The following SLC4A1 variants were observed in gnomAD, a reference collection of about 807,000 sequenced individuals.
SLC4A1 encodes the protein solute carrier family 4 member 1 (Diego blood group).
SLC4A1 carries 29 observed loss-of-function variants against 93.1 expected under a neutral mutation model. The ratio of observed to expected loss-of-function variants is 0.31; its 90% CI spans 0.23 to 0.42. SLC4A1 has a LOEUF of 0.42. Ranked by LOEUF, SLC4A1 falls within the 20% of genes least tolerant of loss-of-function variation. The pLI is 1.00. For missense variants in SLC4A1, 965 were observed against 1,190.1 expected (o/e 0.81, Z 2.78); for synonymous variants, 469 against 497.2 (o/e 0.94, Z 0.76).
At chr17:44,253,877 A>G (rs1462240884) in intron 16 of SLC4A1, among the ~76,000 whole-genome samples, 2 of 149,984 alleles carry the variant, frequency 1.3e-5, no homozygotes, top group Non-Finnish European at 3.0e-5. Flanking sequence ...TCACCATATT[A>G]GTCAGGCTGG....
At chr17:44,265,741 G>A (rs1025995563) in intron 1 of SLC4A1, among the ~76,000 whole-genome samples, 2 of 152,266 alleles carry the variant, frequency 1.3e-5, no homozygotes, top group South Asian at 2.1e-4. Context: ...GAACAGGTGG[G>A]CTGAGCAAGG....
Position 44,253,350 on chromosome 17 carries a change from C to T in SLC4A1, c.2079G>A (p.Glu693=). 8 of 1,612,794 alleles carry T rather than the reference C, an allele frequency of 5.0e-6. No homozygotes were observed. The highest frequency in any genetic ancestry group is 1.7e-4 in the Middle Eastern group (1 of 6,052). The change falls in exon 17 of 20, where the codon GAG becomes GAA. Residue 693 remains glutamate, a synonymous_variant. Transcript: ENST00000262418. ...QITTLIVSKP[E]RKMVKGSGFH... ...AGCCGGAGCCCTTGACCATCTTGCG[C>T]TCAGGTTTGCTGACAATCAGCCTAC...
At position 44,262,912 on chromosome 17, in the gene SLC4A1, A is replaced by C; in HGVS notation, c.-46T>G. On this transcript the variant is annotated 5_prime_UTR_variant, in exon 2 of 20. Coordinates refer to ENST00000262418, the MANE Select transcript of SLC4A1 (RefSeq NM_000342.4). The stretch of plus-strand genomic sequence containing the variant: ...GTTGTCTACGGTGATCTGAGCCCCC[A>C]GCATAACCCGCACCGCGGGTCCCTG... The C allele has an allele frequency of 6.2e-7, 1 of 1,613,710 alleles. No individual in the cohort carries two copies.
chr17:44,260,738 C>T lies in SLC4A1; in HGVS notation c.246G>A (p.Val82=). The change falls in exon 5 of 20, where the codon GTG becomes GTA. Residue 82 remains valine (V), a synonymous_variant. Coordinates refer to ENST00000262418, the MANE Select transcript of SLC4A1 (RefSeq NM_000342.4). ...ELRWMEAARW[V]QLEENLGENG... The stretch of plus-strand genomic sequence containing the variant: ...TCTCCCCCAGGTTCTCCTCCAGTTG[C>T]ACCCAGCGCGCCGCCTCCATCCATC... 1 of 1,614,154 alleles carries T rather than the reference C, an allele frequency of 6.2e-7. No individual in the cohort carries two copies. Among genetic ancestry groups the T allele is most frequent in the East Asian group, 2.2e-5 (1 of 44,880 alleles).
chr17:44,254,609 C>G lies in SLC4A1; in HGVS notation c.1944G>C (p.Trp648Cys), dbSNP rs1421570074. The G allele has an allele frequency of 5.0e-6, 8 of 1,614,072 alleles. 1 individual carries two copies. In the South Asian group the frequency reaches 8.8e-5, roughly 18 times the overall value. The change falls in exon 16 of 20, where the codon TGG (tryptophan) becomes TGC (cysteine). Residue 648 changes from tryptophan to cysteine, a missense_variant. Physicochemically the swap from Trp to Cys is radical, Grantham distance 215. Coordinates refer to ENST00000262418, the MANE Select transcript of SLC4A1 (RefSeq NM_000342.4). ...AACGCAAGCCCAGTGGGTGGATGAC[C>G]CAGCCCCGGGCTGAGGAGTTGGACA... ...FKVSNSSARG[W>C]VIHPLGLRSE...
chr17:44,263,323 C>T (rs1464980725), intron 1 of SLC4A1, among the ~76,000 whole-genome samples: 1 of 152,120 alleles, frequency 6.6e-6, no homozygotes, highest in South Asian at 2.1e-4. Context: ...GCTTAGCTCC[C>T]CTGAGGGGCT....
In SLC4A1 at chr17:44,258,589, C is replaced by G. The variant is rs777464599; in HGVS notation, c.911G>C (p.Arg304Pro). The G allele has an allele frequency of 6.2e-7, 1 of 1,610,904 alleles. No individual in the cohort carries two copies. Among genetic ancestry groups the G allele is most frequent in the Non-Finnish European group, 8.5e-7 (1 of 1,178,916 alleles). The stretch of plus-strand genomic sequence containing the variant: ...CTCTAGGGAGTGCAGCAGCTCCCCT[C>G]GGCTCTGAGCCATGTAGGCATCTAT... ...FRIDAYMAQS[R>P]GELLHSLEGF... Residue 304 changes from arginine to proline, a missense_variant, in exon 10 of 20, where the codon CGA (arginine) becomes CCA (proline). This residue lies in a region of SLC4A1 where 770 missense variants were observed against 1,006.6 expected (regional missense o/e 0.76). Coordinates refer to ENST00000262418, the MANE Select transcript of SLC4A1 (RefSeq NM_000342.4). This position sits in a 1 kb window ranked among gnomAD's most constrained non-coding sequence, Gnocchi z 6.1.
At chr17:44,262,522 CG>C (rs1567836126) in intron 3 of SLC4A1, 113 bp downstream of exon 3, 1 of 747,358 alleles carries the variant, frequency 1.3e-6, no homozygotes, top group South Asian at 1.6e-5. Flanking sequence ...GAGGGGAGAA[CG>C]GCCCGTGGTG....
chr17:44,255,733 A>G lies in SLC4A1; in HGVS notation c.1740T>C (p.Gly580=). 1 of 1,614,128 alleles carries G rather than the reference A, an allele frequency of 6.2e-7. No individual in the cohort carries two copies. Among genetic ancestry groups the G allele is most frequent in the Non-Finnish European group, 8.5e-7 (1 of 1,180,024 alleles). ...GCAGCATCATGGCAAAGAAGAAGGT[A>G]CCGGCCATGAGCACAAGGGAGAGGA... ...TALLSLVLMA[G]TFFFAMMLRK... is the part of the protein sequence containing the mutation. Residue 580 remains glycine (G), a synonymous_variant, in exon 14 of 20, where the codon GGT becomes GGC. Transcript: ENST00000262418.
rs201494872 is a variant in SLC4A1 at position 44,265,994 on chromosome 17, A to AT, written c.-69+2059_-69+2060insA. Among the ~76,000 whole-genome samples, 553 of 151,644 alleles carry AT rather than the reference A, an allele frequency of 3.6e-3. 8 individuals carry two copies. The East Asian group carries it at 0.038, about 10-fold the overall frequency. Reference sequence around the variant, plus strand: ...GACTCCGTCTCAAAAAAAAAAAAAAAAGAAAGAAAGGGATGTGCAAACAGC... The same window carrying AT: ...GACTCCGTCTCAAAAAAAAAAAAAAATAGAAAGAAAGGGATGTGCAAACAGC... On this transcript the variant is annotated intron_variant, in intron 1 of 19. Transcript: ENST00000262418.
intron 1 of SLC4A1, among the ~76,000 whole-genome samples, chr17:44,264,327 G>A (rs960921239): frequency 8.5e-5 from 13 of 152,116 alleles, no homozygotes; most frequent in East Asian, 1.9e-4. Flanking sequence ...GTGTGGTGAC[G>A]TATACCTGTA....
At chr17:44,259,463 G>T (rs931977380) in intron 8 of SLC4A1, 34 bp downstream of exon 8, 17 of 1,601,112 alleles carry the variant, frequency 1.1e-5, no homozygotes, top group Non-Finnish European at 1.2e-5. Flanking sequence ...CACGAGGGGT[G>T]TGGAGGGCTG....
chr17:44,257,223 C>A, intron 13 of SLC4A1, 127 bp downstream of exon 13: 1 of 872,360 alleles, frequency 1.1e-6, no homozygotes, highest in Non-Finnish European at 1.9e-6. Context: ...AACTCCTGAT[C>A]TCGGGTGATC....
intron 19 of SLC4A1, 27 bp downstream of exon 19, chr17:44,251,132 G>C (rs1373822416): frequency 6.4e-7 from 1 of 1,573,356 alleles, no homozygotes; most frequent in African/African-American, 1.3e-5. Flanking sequence ...CCCAGCTCTT[G>C]TGCCCCAGGC....
Position 44,251,442 on chromosome 17 carries a change from G to T in SLC4A1, c.2458C>A (p.Pro820Thr), listed in dbSNP as rs143794240. Reference sequence around the variant, plus strand: ...ACCCGCTTGACGTAGGGCACATCTGGGTGATACTTGGGTGGCTTGAACAGA... The same window carrying T: ...ACCCGCTTGACGTAGGGCACATCTGTGTGATACTTGGGTGGCTTGAACAGA... ...LLLFKPPKYH[P>T]DVPYVKRVKT... The change falls in exon 18 of 20, where the codon CCA becomes ACA. Residue 820 changes from proline (P) to threonine (T), a missense_variant. This residue lies in a region of SLC4A1 where 770 missense variants were observed against 1,006.6 expected (regional missense o/e 0.76). Transcript: ENST00000262418. 1.9e-6 allele frequency: 3 copies of T among 1,614,092 alleles called. No homozygotes were observed. The highest frequency in any genetic ancestry group is 3.3e-5 in the Admixed American group (2 of 60,004).
At position 44,260,514 on chromosome 17, in the gene SLC4A1, C is replaced by T. The variant is rs752859529; in HGVS notation, c.375G>A (p.Glu125=). 16 of 1,614,068 alleles carry T rather than the reference C, an allele frequency of 9.9e-6. No individual in the cohort carries two copies. The highest frequency in any genetic ancestry group is 1.4e-5 in the Non-Finnish European group (16 of 1,180,028). ...TKGTVLLDLQ[E]TSLAGVANQL... is the part of the protein sequence containing the mutation. ...GGTTGGCCACTCCAGCCAGGGAGGTCTCTTGCAGGTCTAGGAGGACAGTAC... is the reference window on the plus strand; with the variant it reads ...GGTTGGCCACTCCAGCCAGGGAGGTTTCTTGCAGGTCTAGGAGGACAGTAC... Residue 125 remains glutamate, a synonymous_variant, in exon 6 of 20, where the codon GAG becomes GAA. Coordinates refer to ENST00000262418, the MANE Select transcript of SLC4A1 (RefSeq NM_000342.4).
Position 44,248,849 on chromosome 17 carries a change from G to GTTTTT in SLC4A1, c.*1604_*1608dup, listed in dbSNP as rs57466226. 0.023 allele frequency: 1,672 copies of GTTTTT among 71,792 alleles called. 366 individuals carry two copies. The highest frequency in any genetic ancestry group is 0.03 in the African/African-American group (390 of 12,822). The allele number at this position is 71,792 out of a possible 1,614,324, so 4.4% of individuals were successfully genotyped here. The stretch of plus-strand genomic sequence containing the variant: ...GCCCCCAAGGCTGATGTTTCCTTCC[G>GTTTTT]TTTTTTTTTTTTTTTTTTTTTTTTT... On this transcript the variant is annotated 3_prime_UTR_variant, in exon 20 of 20. Coordinates refer to ENST00000262418, the MANE Select transcript of SLC4A1 (RefSeq NM_000342.4).
chr17:44,265,958 C>CA (rs2047492525), intron 1 of SLC4A1, among the ~76,000 whole-genome samples: 1 of 142,928 alleles, frequency 7.0e-6, no homozygotes. Flanking sequence ...CCAGCCTGGG[C>CA]AACAGAGCGA....
At chr17:44,259,751 G>T in intron 7 of SLC4A1, 58 bp downstream of exon 7, 1 of 1,612,640 alleles carries the variant, frequency 6.2e-7, no homozygotes, top group South Asian at 1.1e-5. Flanking sequence ...GCTGGCGTTT[G>T]AGAAAGCTCT....
Sources: gnomAD v4.1 joint callset for allele counts (sites outside exome capture counted in the v4.1 genomes callset) on GRCh38, gnomAD v4.1.1 for gene constraint, gnomAD v4.1.1 regional missense constraint, Gnocchi (gnomAD v3.1) non-coding constraint, MANE v1.5 for transcripts, NCBI Gene and HGNC (gene_info 2026-07-23, HGNC 2026-07-21) for gene names.